The following OSBP variants were observed in gnomAD, a reference collection of about 807,000 sequenced individuals.
OSBP encodes oxysterol-binding protein 1.
OSBP carries 32 observed loss-of-function variants against 96.6 expected under a neutral mutation model. The ratio of observed to expected loss-of-function variants is 0.33; its 90% CI spans 0.25 to 0.45. OSBP has a LOEUF of 0.45. Among genes scored for constraint, OSBP ranks in the 20% least tolerant of loss-of-function variants. The probability of loss-of-function intolerance (pLI) is 1.00; values close to 1 mark genes in which losing one functional copy is unlikely to be tolerated. For synonymous variants in OSBP, 369 were observed against 389.6 expected, an observed-to-expected ratio of 0.95 and a Z score of 0.62; for missense variants, 653 against 1,029.7, an observed-to-expected ratio of 0.63 and a Z score of 5.01.
At chr11:59,612,807 T>C (rs1350820965) in intron 1 of OSBP, among the ~76,000 whole-genome samples, 1 of 152,178 alleles carries the variant, frequency 6.6e-6, no homozygotes, top group African/African-American at 2.4e-5. Flanking sequence ...CCAGGAGAAC[T>C]AATACTATGG....
At chr11:59,606,784 C>G (rs1324258244) in intron 3 of OSBP, among the ~76,000 whole-genome samples, 4 of 152,142 alleles carry the variant, frequency 2.6e-5, no homozygotes, top group African/African-American at 9.7e-5. Flanking sequence ...ATTTTTAACA[C>G]GTGTATTATA....
At position 59,600,622 on chromosome 11, in the gene OSBP, C is replaced by G. The variant is rs1353953805; in HGVS notation, c.1185G>C (p.Lys395Asn). The change falls in exon 7 of 14, where the codon AAG (lysine) becomes AAC (asparagine). Residue 395 changes from lysine (K) to asparagine (N), a missense_variant. Physicochemically the swap from Lys to Asn is moderately conservative, Grantham distance 94 (BLOSUM62 0). This residue lies in a region of OSBP where 308 missense variants were observed against 573.1 expected (regional missense o/e 0.54). Coordinates refer to ENST00000263847, the MANE Select transcript of OSBP (RefSeq NM_002556.3). ...CCTTTTTGGTCTCCTCCAGCTGATG[C>G]TTGTACTGAGAGCAAAACAAAGCCA... is the stretch of plus-strand genomic sequence containing the variant. ...SSDISLDEQY[K>N]HQLEETKKEK... The G allele has an allele frequency of 1.2e-6, 2 of 1,613,724 alleles. No homozygotes were observed.
At chr11:59,594,297 C>A in intron 7 of OSBP, 42 bp from the exon 8 acceptor site, 1 of 1,585,066 alleles carries the variant, frequency 6.3e-7, no homozygotes, top group African/African-American at 1.4e-5. Flanking sequence ...GCTCACTCAT[C>A]TATAAGAGAC....
chr11:59,588,350 A>G (rs1490116372), intron 9 of OSBP, among the ~76,000 whole-genome samples: 1 of 151,990 alleles, frequency 6.6e-6, no homozygotes, highest in African/African-American at 2.4e-5. Context: ...CCAGGCCAAC[A>G]TGGTGAAACC....
At chr11:59,581,691 C>G in intron 9 of OSBP, 137 bp from the exon 10 acceptor site, 2 of 527,596 alleles carry the variant, frequency 3.8e-6, no homozygotes, top group Non-Finnish European at 7.0e-6. Flanking sequence ...TCAAAAAGGA[C>G]TTACACTTTC....
At chr11:59,583,647 T>TTTG (rs1860453391) in intron 9 of OSBP, among the ~76,000 whole-genome samples, 1 of 138,082 alleles carries the variant, frequency 7.2e-6, no homozygotes, top group Non-Finnish European at 1.5e-5. Flanking sequence ...TTTTTTTTTT[T>TTTG]TTTTTTTTTT....
rs1158741752 is a variant in OSBP at position 59,601,657 on chromosome 11, T to A, written c.1004A>T (p.Asn335Ile). The change falls in exon 4 of 14, where the codon AAT becomes ATT. Residue 335 changes from asparagine to isoleucine, a missense_variant. Asn to Ile is a moderately radical substitution (Grantham distance 149). This residue lies in a region of OSBP where 308 missense variants were observed against 573.1 expected (regional missense o/e 0.54). Coordinates refer to ENST00000263847, the MANE Select transcript of OSBP (RefSeq NM_002556.3). ...ATVLPANTPGNVGSGKDQCCS... is the reference protein window; with the variant it reads ...ATVLPANTPGIVGSGKDQCCS... ...TGTCTTACCTTTACCAGAACCCACATTGCCAGGAGTGTTTGCCGGCAGCAC... is the reference window on the plus strand; with the variant it reads ...TGTCTTACCTTTACCAGAACCCACAATGCCAGGAGTGTTTGCCGGCAGCAC... 1 of 1,612,800 alleles carries A rather than the reference T, an allele frequency of 6.2e-7. No homozygotes were observed. The highest frequency in any genetic ancestry group is 1.7e-5 in the Admixed American group (1 of 60,014).
chr11:59,608,677 G>T lies in OSBP; in HGVS notation c.629C>A (p.Thr210Asn). 6.2e-7 allele frequency: 1 copy of T among 1,613,870 alleles called. No homozygotes were observed. The highest frequency in any genetic ancestry group is 8.5e-7 in the Non-Finnish European group (1 of 1,179,758). The change falls in exon 3 of 14, where the codon ACC (threonine) becomes AAC (asparagine). Residue 210 changes from threonine (T) to asparagine (N), a missense_variant. Physicochemically the swap from Thr to Asn is moderately conservative, Grantham distance 65. This residue lies in a region of OSBP where 308 missense variants were observed against 573.1 expected (regional missense o/e 0.54). Coordinates refer to ENST00000263847, the MANE Select transcript of OSBP (RefSeq NM_002556.3). ...TACTTTGCTAGAGAGGGTCCGAAGG[G>T]TATTCTGCAGCTCAGTCTTGTCAGT... ...SQTDKTELQN[T>N]LRTLSSKVED...
intron 3 of OSBP, among the ~76,000 whole-genome samples, chr11:59,605,518 T>C (rs1213989821): frequency 6.6e-6 from 1 of 152,088 alleles, no homozygotes; most frequent in Middle Eastern, 3.2e-3. Flanking sequence ...GTTCAAGTGA[T>C]TCTCATGCCT....
intron 9 of OSBP, among the ~76,000 whole-genome samples, chr11:59,588,446 G>A (rs1860529917): frequency 1.3e-5 from 2 of 151,288 alleles, no homozygotes; most frequent in South Asian, 4.2e-4. Flanking sequence ...TGAGTCACAA[G>A]AATCGCTTGA....
At chr11:59,610,250 G>A in intron 2 of OSBP, 131 bp downstream of exon 2, 4 of 772,696 alleles carry the variant, frequency 5.2e-6, no homozygotes, top group Non-Finnish European at 8.8e-6. Context: ...AATACTGCAT[G>A]AAGACGAGAA....
chr11:59,603,624 C>T (rs935844762), intron 3 of OSBP, among the ~76,000 whole-genome samples: 5 of 147,236 alleles, frequency 3.4e-5, no homozygotes, highest in African/African-American at 4.9e-5. Flanking sequence ...GCAGCCTCAA[C>T]CTCACAAGTT....
At chr11:59,597,941 G>A (rs1313774410) in intron 7 of OSBP, among the ~76,000 whole-genome samples, 1 of 152,002 alleles carries the variant, frequency 6.6e-6, no homozygotes, top group Non-Finnish European at 1.5e-5. Context: ...CCTGAGCTCA[G>A]ACAATCCACC....
chr11:59,584,021 C>T (rs1860461814), intron 9 of OSBP, among the ~76,000 whole-genome samples: 1 of 149,082 alleles, frequency 6.7e-6, no homozygotes, highest in African/African-American at 2.5e-5. Context: ...TCGTAGTTCA[C>T]TGCAAACTTG....
At chr11:59,607,626 T>A (rs1860797828) in intron 3 of OSBP, among the ~76,000 whole-genome samples, 1 of 152,166 alleles carries the variant, frequency 6.6e-6, no homozygotes, top group Admixed American at 6.5e-5. Context: ...TTCTCACTTA[T>A]GAAATGCCTT....
At chr11:59,602,095 G>A (rs913321566) in intron 3 of OSBP, among the ~76,000 whole-genome samples, 1 of 152,174 alleles carries the variant, frequency 6.6e-6, no homozygotes, top group Non-Finnish European at 1.5e-5. Flanking sequence ...AATGCCAAGT[G>A]AGCAGTAAAC....
chr11:59,602,917 G>C (rs1285274085), intron 3 of OSBP, among the ~76,000 whole-genome samples: 2 of 152,216 alleles, frequency 1.3e-5, no homozygotes, highest in Non-Finnish European at 1.5e-5. Context: ...ACTGTGCCCA[G>C]TCGTGGACAC....
At chr11:59,584,669 C>T (rs1196830959) in intron 9 of OSBP, among the ~76,000 whole-genome samples, 1 of 152,152 alleles carries the variant, frequency 6.6e-6, no homozygotes. Context: ...CATATGAAAA[C>T]CCCACAGCAA....
At chr11:59,587,721 T>C (rs1239365032) in intron 9 of OSBP, among the ~76,000 whole-genome samples, 2 of 152,228 alleles carry the variant, frequency 1.3e-5, no homozygotes, top group Non-Finnish European at 2.9e-5. Flanking sequence ...CTTTGTGCAC[T>C]GTTGGTGGGA....
Sources: allele counts gnomAD v4.1 joint callset (sites outside exome capture counted in the v4.1 genomes callset), GRCh38; gene constraint gnomAD v4.1.1; regional missense constraint gnomAD v4.1.1; transcripts MANE v1.5; gene names NCBI Gene and HGNC (gene_info 2026-07-23, HGNC 2026-07-21).